Variants in EPS8 observed in about 807,000 individuals in gnomAD.
The protein encoded by EPS8 is epidermal growth factor receptor kinase substrate 8.
In EPS8, 42 loss-of-function variants were observed where a neutral mutation model predicts 103.8. That is an observed-to-expected ratio of 0.40 (90% CI 0.32 to 0.52). The LOEUF (loss-of-function observed/expected upper bound fraction) is 0.52, where lower values mean the gene tolerates loss of function less well. Among genes scored for constraint, EPS8 ranks in the 20% least tolerant of loss-of-function variants. The pLI is 0.40. For synonymous variants in EPS8, 344 were observed against 344.6 expected (o/e 1.00, Z 0.02); for missense variants, 969 against 1,005.1 (o/e 0.96, Z 0.49).
intron 1 of EPS8, among the ~76,000 whole-genome samples, chr12:15,710,027 C>T (rs1946440652): frequency 6.6e-6 from 1 of 152,200 alleles, no homozygotes; most frequent in Admixed American, 6.5e-5. Flanking sequence ...TACTGCTCAC[C>T]TTCTGCTGTG....
At chr12:15,740,822 T>C (rs1278987397) in intron 1 of EPS8, among the ~76,000 whole-genome samples, 1 of 152,170 alleles carries the variant, frequency 6.6e-6, no homozygotes, top group African/African-American at 2.4e-5. Context: ...TACCTCCCTG[T>C]AGCGAAATTA....
At position 15,659,596 on chromosome 12, in the gene EPS8, A is replaced by T. The variant is rs148841200; in HGVS notation, c.938-1011T>A. Among the ~76,000 whole-genome samples, 9 of 152,328 alleles carry T rather than the reference A, an allele frequency of 5.9e-5. No homozygotes were observed. The East Asian group carries it at 1.7e-3, about 29-fold the overall frequency. ...TTCAGAATATGTGGAGAGGAAGCACATCCATGTATTCACATGCAGAAGATA... is the reference window on the plus strand; with the variant it reads ...TTCAGAATATGTGGAGAGGAAGCACTTCCATGTATTCACATGCAGAAGATA... On this transcript the variant is annotated intron_variant, in intron 10 of 20. Transcript: ENST00000281172.
At chr12:15,656,672 T>G (rs924101205) in intron 12 of EPS8, among the ~76,000 whole-genome samples, 1 of 152,146 alleles carries the variant, frequency 6.6e-6, no homozygotes, top group African/African-American at 2.4e-5. Context: ...GTCCTTGGCC[T>G]GATTTCTCCA....
chr12:15,775,251 T>C (rs1947196624), intron 1 of EPS8, among the ~76,000 whole-genome samples: 1 of 152,134 alleles, frequency 6.6e-6, no homozygotes, highest in African/African-American at 2.4e-5. Context: ...CAGCCTAAGG[T>C]GTTACATATG....
chr12:15,775,486 T>G (rs1947198869), intron 1 of EPS8, among the ~76,000 whole-genome samples: 1 of 152,156 alleles, frequency 6.6e-6, no homozygotes, highest in South Asian at 2.1e-4. Context: ...ACATGTAATT[T>G]GGAAATAGAC....
In EPS8 at chr12:15,646,376, G is replaced by A. The variant is rs1211400369; in HGVS notation, c.1568+751C>T. On this transcript the variant is annotated intron_variant, in intron 15 of 20. Transcript: ENST00000281172. Reference sequence around the variant, plus strand: ...GGCTTTTGAGGCAGGAAAGTACTAGGCCGAGTTCTCTATTCCCAGTTCACT... The same window carrying A: ...GGCTTTTGAGGCAGGAAAGTACTAGACCGAGTTCTCTATTCCCAGTTCACT... 2.0e-5 allele frequency among the ~76,000 whole-genome samples: 3 copies of A among 152,204 alleles called. No individual in the cohort carries two copies. In the East Asian group the frequency reaches 5.8e-4, roughly 29 times the overall value.
At chr12:15,631,319 A>G in intron 18 of EPS8, 123 bp downstream of exon 18, 1 of 1,362,844 alleles carries the variant, frequency 7.3e-7, no homozygotes, top group South Asian at 1.4e-5. Flanking sequence ...AATCTTTGCA[A>G]TCTATTAAGT....
At chr12:15,641,035 T>A (rs917405973) in intron 16 of EPS8, among the ~76,000 whole-genome samples, 189 bp from the exon 17 acceptor site, 11 of 152,128 alleles carry the variant, frequency 7.2e-5, no homozygotes, top group African/African-American at 2.7e-4. Flanking sequence ...AGGTAAGGTA[T>A]CATTATGGTG....
At position 15,734,437 on chromosome 12, in the gene EPS8, G is replaced by C. The variant is rs1565523212; in HGVS notation, c.-21-51465C>G. ...TGGTTGGGCACGGTGGCTCACACCT[G>C]TAATCCCAGCACTTTGGGAGGCTGA... On this transcript the variant is annotated intron_variant, in intron 1 of 20. Coordinates refer to ENST00000281172, the MANE Select transcript of EPS8 (RefSeq NM_004447.6). The surrounding 1 kb of genome is among the most constrained non-coding windows in gnomAD (Gnocchi z 4.1). Among the ~76,000 whole-genome samples, 1 of 152,166 alleles carries C rather than the reference G, an allele frequency of 6.6e-6. No individual in the cohort carries two copies. Among genetic ancestry groups the C allele is most frequent in the Non-Finnish European group, 1.5e-5 (1 of 68,028 alleles).
rs943095834 is a variant in EPS8 at position 15,728,852 on chromosome 12, A to C, written c.-21-45880T>G. On this transcript the variant is annotated intron_variant, in intron 1 of 20. Transcript: ENST00000281172. This position sits in a 1 kb window ranked among gnomAD's most constrained non-coding sequence, Gnocchi z 4.5. Reference sequence around the variant, plus strand: ...TAAAAATGGGCTAAAGGACACTGTTAAGAAAATGAAAAGACAAGCCACAGA... The same window carrying C: ...TAAAAATGGGCTAAAGGACACTGTTCAGAAAATGAAAAGACAAGCCACAGA... Among the ~76,000 whole-genome samples the C allele has an allele frequency of 6.6e-6, 1 of 152,218 alleles. No homozygotes were observed. Among genetic ancestry groups the C allele is most frequent in the Non-Finnish European group, 1.5e-5 (1 of 68,028 alleles).
rs953681264 is a variant in EPS8, at chr12:15,714,717, G to A, written c.-21-31745C>T. 1.3e-5 allele frequency among the ~76,000 whole-genome samples: 2 copies of A among 152,094 alleles called. No individual in the cohort carries two copies. Among genetic ancestry groups the A allele is most frequent in the African/African-American group, 4.8e-5 (2 of 41,396 alleles). Reference sequence around the variant, plus strand: ...AGTATTCTTGGGGCAAATGGGAAATGGGTAAAAAACAAAAATACATTCTCT... The same window carrying A: ...AGTATTCTTGGGGCAAATGGGAAATAGGTAAAAAACAAAAATACATTCTCT... On this transcript the variant is annotated intron_variant, in intron 1 of 20. Coordinates refer to ENST00000281172, the MANE Select transcript of EPS8 (RefSeq NM_004447.6). This position sits in a 1 kb window ranked among gnomAD's most constrained non-coding sequence, Gnocchi z 4.1.
intron 10 of EPS8, 57 bp downstream of exon 10, chr12:15,660,557 C>T (rs2135815161): frequency 3.4e-6 from 3 of 892,164 alleles, no homozygotes; most frequent in Non-Finnish European, 3.8e-6. Context: ...AGCCACTGCG[C>T]CCAGCCAGTA....
chr12:15,632,828 A>C (rs1164383339), intron 17 of EPS8, among the ~76,000 whole-genome samples: 1 of 152,156 alleles, frequency 6.6e-6, no homozygotes, highest in Non-Finnish European at 1.5e-5. Flanking sequence ...AACCTTCATC[A>C]GTCCACTTCA....
Position 15,767,676 on chromosome 12 carries a change from G to A in EPS8, c.-22+21485C>T, listed in dbSNP as rs1372242412. On this transcript the variant is annotated intron_variant, in intron 1 of 20. Transcript: ENST00000281172. This position sits in a 1 kb window ranked among gnomAD's most constrained non-coding sequence, Gnocchi z 5.5. ...CAACACTAAATATTTGTTTCAAACTGAGATATGTCTTCTTCTCTGCTAAAC... is the reference window on the plus strand; with the variant it reads ...CAACACTAAATATTTGTTTCAAACTAAGATATGTCTTCTTCTCTGCTAAAC... Among the ~76,000 whole-genome samples the A allele has an allele frequency of 6.6e-6, 1 of 152,134 alleles. No individual in the cohort carries two copies. Among genetic ancestry groups the A allele is most frequent in the Non-Finnish European group, 1.5e-5 (1 of 68,018 alleles).
intron 20 of EPS8, among the ~76,000 whole-genome samples, chr12:15,622,448 T>A (rs1283796430): frequency 6.6e-6 from 1 of 152,160 alleles, no homozygotes; most frequent in Non-Finnish European, 1.5e-5. Context: ...TGATTATGGA[T>A]CAATTTCATG....
At chr12:15,730,796 G>A (rs1251297344) in intron 1 of EPS8, among the ~76,000 whole-genome samples, 2 of 151,970 alleles carry the variant, frequency 1.3e-5, no homozygotes, top group Non-Finnish European at 2.9e-5. Context: ...CCTTAAGAGA[G>A]TCTCCCATAA....
At chr12:15,636,288 T>C (rs1325593353) in intron 17 of EPS8, among the ~76,000 whole-genome samples, 1 of 152,162 alleles carries the variant, frequency 6.6e-6, no homozygotes, top group African/African-American at 2.4e-5. Flanking sequence ...CTCTCCATAA[T>C]CTCTCCTCAG....
chr12:15,632,889 C>A (rs1945073080), intron 17 of EPS8, among the ~76,000 whole-genome samples: 1 of 152,152 alleles, frequency 6.6e-6, no homozygotes, highest in African/African-American at 2.4e-5. Context: ...AGCCCTCATT[C>A]TTTTCAGCTC....
In EPS8 at chr12:15,757,310, A is replaced by T. The variant is rs1205576949; in HGVS notation, c.-22+31851T>A. 1.3e-5 allele frequency among the ~76,000 whole-genome samples: 2 copies of T among 152,172 alleles called. No homozygotes were observed. The highest frequency in any genetic ancestry group is 2.9e-5 in the Non-Finnish European group (2 of 68,024). On this transcript the variant is annotated intron_variant, in intron 1 of 20. Coordinates refer to ENST00000281172, the MANE Select transcript of EPS8 (RefSeq NM_004447.6). This position sits in a 1 kb window ranked among gnomAD's most constrained non-coding sequence, Gnocchi z 4.1. ...ACTTTCCTTCAGATTGCATATTAAT[A>T]ACAAAGAGGTAAAGGTATTTATTTA...
Sources: gnomAD v4.1 joint callset for allele counts (sites outside exome capture counted in the v4.1 genomes callset) on GRCh38, gnomAD v4.1.1 for gene constraint, Gnocchi (gnomAD v3.1) non-coding constraint, MANE v1.5 for transcripts, NCBI Gene and HGNC (gene_info 2026-07-23, HGNC 2026-07-21) for gene names.